NCALD: variants seen among roughly 807,000 people sequenced by gnomAD.
NCALD encodes neurocalcin delta, also known as neurocalcin-delta.
Under a neutral mutation model 18.6 loss-of-function variants are expected in NCALD, and 10 were observed. The observed-to-expected ratio is 0.54, with a 90% CI of 0.33 to 0.91. The LOEUF (loss-of-function observed/expected upper bound fraction) is 0.91, where lower values mean the gene tolerates loss of function less well. NCALD is among the 40% of genes least tolerant of loss of function. The pLI, the probability that NCALD is intolerant of heterozygous loss-of-function variation, is 0.03. For missense variants in NCALD, 184 were observed against 247.6 expected (o/e 0.74, Z 1.72); for synonymous variants, 88 against 87.4 (o/e 1.01, Z -0.04).
chr8:101,923,443 GTCAC>G (rs1414581954), intron 2 of NCALD, among the ~76,000 whole-genome samples: 11 of 152,332 alleles, frequency 7.2e-5, no homozygotes, highest in African/African-American at 2.4e-4. Context: ...CCTTGGAGCA[GTCAC>G]TCACTATCAC....
chr8:101,697,991 A>G (rs1304562480), intron 2 of NCALD, among the ~76,000 whole-genome samples: 3 of 152,178 alleles, frequency 2.0e-5, no homozygotes, highest in East Asian at 3.8e-4. Context: ...AAGAGAGGAA[A>G]TCAAATTTTC....
At chr8:101,894,179 A>C (rs1181903965) in intron 3 of NCALD, among the ~76,000 whole-genome samples, 1 of 135,908 alleles carries the variant, frequency 7.4e-6, no homozygotes, top group Non-Finnish European at 1.5e-5. Flanking sequence ...ACCACAGTGC[A>C]ATCAAACTAG....
At chr8:101,969,547 T>C (rs1343626588) in intron 2 of NCALD, among the ~76,000 whole-genome samples, 2 of 152,222 alleles carry the variant, frequency 1.3e-5, no homozygotes, top group Non-Finnish European at 2.9e-5. Flanking sequence ...TCATATCTTT[T>C]AATGAAGACA....
intron 4 of NCALD, among the ~76,000 whole-genome samples, chr8:101,864,167 T>G (rs185262132): frequency 6.6e-6 from 1 of 152,296 alleles, no homozygotes; most frequent in Admixed American, 6.5e-5. Context: ...TTAAAGCAAG[T>G]CTACTTCCTG....
chr8:101,765,728 T>G (rs73275526), intron 1 of NCALD, among the ~76,000 whole-genome samples: 4,367 of 152,170 alleles, frequency 0.029, 213 homozygotes, highest in African/African-American at 0.098. Context: ...GTCAAGAGCA[T>G]AAGGAAACTC....
At chr8:101,801,890 T>C (rs1195975605) in intron 4 of NCALD, among the ~76,000 whole-genome samples, 3 of 151,950 alleles carry the variant, frequency 2.0e-5, no homozygotes, top group African/African-American at 7.2e-5. Flanking sequence ...ATGGTCTCCA[T>C]CTCCTGACCT....
intron 1 of NCALD, among the ~76,000 whole-genome samples, chr8:101,742,140 C>A (rs1442147132): frequency 5.3e-5 from 8 of 150,038 alleles, no homozygotes; most frequent in African/African-American, 2.0e-4. Context: ...GTAATCCCAG[C>A]TATGTGGGAG....
intron 2 of NCALD, among the ~76,000 whole-genome samples, chr8:102,003,107 G>A (rs1444068118): frequency 6.6e-6 from 1 of 151,916 alleles, no homozygotes; most frequent in Non-Finnish European, 1.5e-5. Context: ...TTCTTGAAAA[G>A]ATCAACAAAA....
At chr8:101,808,883 G>C (rs1194919708) in intron 4 of NCALD, among the ~76,000 whole-genome samples, 5 of 152,030 alleles carry the variant, frequency 3.3e-5, no homozygotes, top group Non-Finnish European at 7.4e-5. Context: ...ACTTTTACAT[G>C]AAAGAGAGAG....
intron 2 of NCALD, among the ~76,000 whole-genome samples, chr8:101,936,141 A>G (rs1356938403): frequency 6.6e-6 from 1 of 152,158 alleles, no homozygotes; most frequent in African/African-American, 2.4e-5. Context: ...GGTTTGGTAG[A>G]GAAGAAGGGT....
chr8:101,860,763 G>A (rs1387857966), intron 4 of NCALD, among the ~76,000 whole-genome samples: 1 of 152,150 alleles, frequency 6.6e-6, no homozygotes, highest in South Asian at 2.1e-4. Context: ...ATGGGGGAAT[G>A]AGAGGAGCTA....
At chr8:101,908,352 G>GT (rs967109818) in intron 3 of NCALD, among the ~76,000 whole-genome samples, 2 of 151,958 alleles carry the variant, frequency 1.3e-5, no homozygotes, top group Non-Finnish European at 2.9e-5. Flanking sequence ...GTGTTGTTTG[G>GT]TTTTTTTCTC....
intron 1 of NCALD, among the ~76,000 whole-genome samples, chr8:101,766,182 C>A (rs1038824924): frequency 1.3e-5 from 2 of 152,106 alleles, no homozygotes; most frequent in Non-Finnish European, 2.9e-5. Context: ...TCAGAGGTCC[C>A]CCAATCATAT....
chr8:102,112,570 C>T (rs1046104756), intron 1 of NCALD, among the ~76,000 whole-genome samples: 1 of 152,184 alleles, frequency 6.6e-6, no homozygotes, highest in African/African-American at 2.4e-5. Context: ...TGAATGACTA[C>T]ATCAGTTTTC....
intron 2 of NCALD, among the ~76,000 whole-genome samples, chr8:101,951,850 C>A (rs1020254506): frequency 2.6e-5 from 4 of 152,150 alleles, no homozygotes; most frequent in Admixed American, 6.5e-5. Context: ...CCTCAGGCAT[C>A]CACAGGTAGG....
At chr8:102,082,058 AG>A (rs1249399434) in intron 1 of NCALD, among the ~76,000 whole-genome samples, 1 of 151,996 alleles carries the variant, frequency 6.6e-6, no homozygotes, top group Non-Finnish European at 1.5e-5. Context: ...CCCTTCCACA[AG>A]GATACTCATT....
At chr8:102,098,298 C>T (rs917145004) in intron 1 of NCALD, among the ~76,000 whole-genome samples, 1 of 152,100 alleles carries the variant, frequency 6.6e-6, no homozygotes, top group Non-Finnish European at 1.5e-5. Context: ...GATGAGAGAG[C>T]AATTGGGGTA....
intron 4 of NCALD, among the ~76,000 whole-genome samples, chr8:101,882,295 G>T (rs1368035936): frequency 1.3e-5 from 2 of 152,118 alleles, no homozygotes; most frequent in Non-Finnish European, 2.9e-5. Flanking sequence ...AACCCCCAAG[G>T]TGATTATATT....
chr8:101,693,029 T>C (rs1814807059), intron 2 of NCALD, 133 bp from the exon 3 acceptor site: 1 of 637,154 alleles, frequency 1.6e-6, no homozygotes, highest in Admixed American at 2.4e-5. Context: ...CCCCTATTGA[T>C]TGGTATAAGA....
Sources: gnomAD v4.1 joint callset for allele counts (sites outside exome capture counted in the v4.1 genomes callset) on GRCh38, gnomAD v4.1.1 for gene constraint, MANE v1.5 for transcripts, NCBI Gene and HGNC (gene_info 2026-07-23, HGNC 2026-07-21) for gene names.